Variants in FAM110B observed in about 807,000 individuals in gnomAD.
FAM110B encodes family with sequence similarity 110 member B.
Under a neutral mutation model 20.4 loss-of-function variants are expected in FAM110B, and 6 were observed. The observed-to-expected ratio is 0.29, with a 90% CI of 0.16 to 0.58. The LOEUF is 0.58. Among genes scored for constraint, FAM110B ranks in the 20% least tolerant of loss-of-function variants. FAM110B has a pLI of 0.90. For missense variants in FAM110B, 434 were observed against 498.2 expected, an observed-to-expected ratio of 0.87 and a Z score of 1.23; for synonymous variants, 226 against 214.1, an observed-to-expected ratio of 1.06 and a Z score of -0.49.
intron 3 of FAM110B, among the ~76,000 whole-genome samples, chr8:58,130,040 A>G (rs915941942): frequency 7.9e-5 from 12 of 152,160 alleles, no homozygotes; most frequent in Admixed American, 5.2e-4. Flanking sequence ...CATAGAACCT[A>G]TTAGAAAGGA....
intron 3 of FAM110B, among the ~76,000 whole-genome samples, chr8:58,079,256 T>C (rs1251022188): frequency 6.6e-6 from 1 of 152,166 alleles, no homozygotes; most frequent in Admixed American, 6.5e-5. Context: ...GAGCCAGGCT[T>C]GCTTTCTGCT....
At chr8:58,111,569 G>A (rs1807058423) in intron 3 of FAM110B, among the ~76,000 whole-genome samples, 1 of 152,004 alleles carries the variant, frequency 6.6e-6, no homozygotes, top group Admixed American at 6.6e-5. Flanking sequence ...TAGTAGCTAA[G>A]ATAGCAGCCG....
At chr8:58,109,431 C>T (rs1162473380) in intron 3 of FAM110B, among the ~76,000 whole-genome samples, 1 of 152,174 alleles carries the variant, frequency 6.6e-6, no homozygotes, top group Non-Finnish European at 1.5e-5. Flanking sequence ...CCAGGGCTTA[C>T]TTTTTGGTCT....
chr8:58,057,889 A>G (rs949942257), intron 2 of FAM110B, among the ~76,000 whole-genome samples: 1 of 152,232 alleles, frequency 6.6e-6, no homozygotes, highest in Admixed American at 6.5e-5. Flanking sequence ...TAAATGATTC[A>G]CCTGGTGCTT....
chr8:58,057,967 A>G (rs887681715), intron 2 of FAM110B, among the ~76,000 whole-genome samples: 1 of 152,200 alleles, frequency 6.6e-6, no homozygotes, highest in East Asian at 1.9e-4. Context: ...GACTTGTCCT[A>G]TGTAGTGTCA....
At chr8:58,025,146 C>T (rs1264988380) in intron 1 of FAM110B, among the ~76,000 whole-genome samples, 2 of 152,120 alleles carry the variant, frequency 1.3e-5, no homozygotes, top group East Asian at 3.9e-4. Context: ...GGTTTAGTGA[C>T]GAGATACAGC....
At chr8:58,047,630 C>G (rs1585840271) in intron 2 of FAM110B, among the ~76,000 whole-genome samples, 1 of 146,222 alleles carries the variant, frequency 6.8e-6, no homozygotes, top group African/African-American at 2.7e-5. Context: ...CTCTCTCTCT[C>G]TCTCTGACTT....
chr8:58,077,578 G>C (rs1806069335), intron 3 of FAM110B, among the ~76,000 whole-genome samples: 2 of 152,110 alleles, frequency 1.3e-5, no homozygotes, highest in African/African-American at 4.8e-5. Context: ...CTTTATTTCT[G>C]TGAGCCTCAG....
chr8:58,054,075 T>C (rs1374885117), intron 2 of FAM110B, among the ~76,000 whole-genome samples: 1 of 152,212 alleles, frequency 6.6e-6, no homozygotes, highest in African/African-American at 2.4e-5. Context: ...GAACTTGGTT[T>C]GTATAGGTGG....
In FAM110B at chr8:58,147,229, T is replaced by G; in HGVS notation, c.999T>G (p.Ser333Arg). 2 of 1,614,052 alleles carry G rather than the reference T, an allele frequency of 1.2e-6. No individual in the cohort carries two copies. Among genetic ancestry groups the G allele is most frequent in the South Asian group, 1.1e-5 (1 of 91,074 alleles). Residue 333 changes from serine to arginine, a missense_variant, in exon 4 of 4, where the codon AGT becomes AGG. Around this residue, in one of 3 missense-constraint regions of FAM110B, gnomAD observed 94 missense variants for 137.8 expected, o/e 0.68. Coordinates refer to ENST00000519262, the MANE Select transcript of FAM110B (RefSeq NM_001377989.1). ...DSNSDLRNDD[S>R]ANDRVPYGIS... ...ACAGTGACCTTAGAAATGATGACAG[T>G]GCCAATGACCGCGTGCCGTATGGCA...
intron 1 of FAM110B, among the ~76,000 whole-genome samples, chr8:58,023,028 A>T (rs1212962871): frequency 6.6e-6 from 1 of 152,226 alleles, no homozygotes; most frequent in African/African-American, 2.4e-5. Flanking sequence ...AAGGAAAAAA[A>T]ATTTAAAGAG....
chr8:58,116,804 C>T (rs561534709), intron 3 of FAM110B, among the ~76,000 whole-genome samples: 7 of 152,096 alleles, frequency 4.6e-5, no homozygotes, highest in African/African-American at 1.7e-4. Context: ...AAGTAAATTA[C>T]CTTATTTGTT....
intron 1 of FAM110B, among the ~76,000 whole-genome samples, chr8:58,021,288 A>T (rs1031681332): frequency 2.6e-5 from 4 of 152,144 alleles, no homozygotes; most frequent in African/African-American, 9.7e-5. Flanking sequence ...TATCTGTGCT[A>T]TTCTATTGGG....
chr8:58,014,347 A>T (rs1430457634), intron 1 of FAM110B, among the ~76,000 whole-genome samples: 2 of 152,158 alleles, frequency 1.3e-5, no homozygotes, highest in African/African-American at 4.8e-5. Context: ...GGGCTATTCA[A>T]ACAAATTGCC....
chr8:58,110,925 C>A (rs17175804), intron 3 of FAM110B, among the ~76,000 whole-genome samples: 2 of 152,108 alleles, frequency 1.3e-5, no homozygotes, highest in African/African-American at 2.4e-5. Context: ...AGCATAGATT[C>A]CGAATTACAA....
Position 58,015,875 on chromosome 8 carries a change from G to A in FAM110B, c.-511-15731G>A, listed in dbSNP as rs191858717. 5.8e-3 allele frequency among the ~76,000 whole-genome samples: 876 copies of A among 151,554 alleles called. 6 individuals are homozygous for A. Among genetic ancestry groups the A allele is most frequent in the African/African-American group, 0.02 (814 of 41,356 alleles). On this transcript the variant is annotated intron_variant, in intron 1 of 3. Coordinates refer to ENST00000519262, the MANE Select transcript of FAM110B (RefSeq NM_001377989.1). ...AAAAAAAAAAAGAAAAAGAAAAAAG[G>A]CATGAGGATTTCAAGTGAAATCCAG...
chr8:58,126,810 A>C (rs1807518320), intron 3 of FAM110B, among the ~76,000 whole-genome samples: 1 of 152,078 alleles, frequency 6.6e-6, no homozygotes. Context: ...GCCCTTTGTC[A>C]GATGTATATC....
intron 2 of FAM110B, among the ~76,000 whole-genome samples, chr8:58,063,328 G>T (rs947385381): frequency 2.6e-5 from 4 of 152,102 alleles, no homozygotes; most frequent in African/African-American, 4.8e-5. Flanking sequence ...AATTCAGACA[G>T]GTTGACTATC....
chr8:58,001,604 A>G (rs956636922), intron 1 of FAM110B, among the ~76,000 whole-genome samples: 1 of 152,174 alleles, frequency 6.6e-6, no homozygotes, highest in Non-Finnish European at 1.5e-5. Context: ...TATCTCTACC[A>G]GCCTTTTTCT....
Sources: allele counts gnomAD v4.1 joint callset (sites outside exome capture counted in the v4.1 genomes callset), GRCh38; gene constraint gnomAD v4.1.1; regional missense constraint gnomAD v4.1.1; transcripts MANE v1.5; gene names NCBI Gene and HGNC (gene_info 2026-07-23, HGNC 2026-07-21).